The following DPYD variants were observed in gnomAD, a reference collection of about 807,000 sequenced individuals.
DPYD encodes dihydropyrimidine dehydrogenase.
A neutral mutation model predicts 116.2 loss-of-function variants in DPYD; 109 were observed. That is an observed-to-expected ratio of 0.94 (90% CI 0.80 to 1.10). The LOEUF is 1.10. Among genes scored for constraint, DPYD ranks in the 50% least tolerant of loss-of-function variants. The pLI, the probability that DPYD is intolerant of heterozygous loss-of-function variation, is 0.00. For missense variants in DPYD, 1,302 were observed against 1,254.5 expected, an observed-to-expected ratio of 1.04 and a Z score of -0.57; for synonymous variants, 440 against 432.0, an observed-to-expected ratio of 1.02 and a Z score of -0.23.
chr1:97,512,675 A>C (rs187224126), intron 13 of DPYD, among the ~76,000 whole-genome samples: 1 of 152,010 alleles, frequency 6.6e-6, no homozygotes, highest in Admixed American at 6.6e-5. Context: ...CATTTCTAAT[A>C]TTCCCTCTTA....
intron 20 of DPYD, among the ~76,000 whole-genome samples, chr1:97,149,835 T>C (rs1051372564): frequency 5.3e-5 from 8 of 152,210 alleles, no homozygotes; most frequent in African/African-American, 1.7e-4. Flanking sequence ...TGTAACTTCA[T>C]TGCATCACAT....
intron 13 of DPYD, among the ~76,000 whole-genome samples, chr1:97,503,701 ATGTTTAATCACATCTTG>A (rs937178363): frequency 3.3e-5 from 5 of 151,948 alleles, no homozygotes; most frequent in African/African-American, 4.8e-5. Context: ...AAATCCATGC[ATGTTTAATCACATCTTG>A]GCAACGGTTT....
chr1:97,757,249 A>T (rs188820269), intron 3 of DPYD, among the ~76,000 whole-genome samples: 1 of 152,334 alleles, frequency 6.6e-6, no homozygotes, highest in East Asian at 1.9e-4. Context: ...AGCTTAAATC[A>T]TGATAGCACA....
chr1:97,085,674 G>A (rs1274027388), intron 21 of DPYD, among the ~76,000 whole-genome samples: 1 of 152,144 alleles, frequency 6.6e-6, no homozygotes, highest in Non-Finnish European at 1.5e-5. Flanking sequence ...GAATACCCTT[G>A]AGTAGATGTC....
chr1:97,622,729 A>G (rs1656703265), intron 8 of DPYD, among the ~76,000 whole-genome samples: 1 of 152,072 alleles, frequency 6.6e-6, no homozygotes, highest in South Asian at 2.1e-4. Context: ...AAACTGTTCT[A>G]AAATAAAAAA....
At position 97,816,063 on chromosome 1, in the gene DPYD, A is replaced by AT. The variant is rs113525655; in HGVS notation, c.233+12050dup. On this transcript the variant is annotated intron_variant, in intron 3 of 22. Transcript: ENST00000370192. ...AGAACATTTACATTTTTAATTTTTA[A>AT]TTTTTTTTTTTTTAGGAGATGGATT... Among the ~76,000 whole-genome samples, 318 of 146,208 alleles carry AT rather than the reference A, an allele frequency of 2.2e-3. 1 individual carries two copies. The highest frequency in any genetic ancestry group is 3.1e-3 in the Non-Finnish European group (203 of 66,008).
At chr1:97,758,023 T>A (rs981906526) in intron 3 of DPYD, among the ~76,000 whole-genome samples, 2 of 152,112 alleles carry the variant, frequency 1.3e-5, no homozygotes, top group Non-Finnish European at 1.5e-5. Flanking sequence ...ATTATCTCAT[T>A]CATAGACATC....
intron 18 of DPYD, among the ~76,000 whole-genome samples, chr1:97,299,169 T>C (rs1310869311): frequency 6.6e-6 from 1 of 152,152 alleles, no homozygotes; most frequent in Non-Finnish European, 1.5e-5. Context: ...TAGATATGCA[T>C]GAATCTGTGA....
At chr1:97,604,049 C>A (rs1392034482) in intron 8 of DPYD, among the ~76,000 whole-genome samples, 1 of 152,100 alleles carries the variant, frequency 6.6e-6, no homozygotes, top group Non-Finnish European at 1.5e-5. Context: ...ACTGAGGAAG[C>A]AAGTGGCAGG....
chr1:97,468,710 C>T (rs911634849), intron 13 of DPYD, among the ~76,000 whole-genome samples: 2 of 152,110 alleles, frequency 1.3e-5, no homozygotes, highest in African/African-American at 2.4e-5. Context: ...ATTTGACCCA[C>T]GGGGCTATCA....
intron 12 of DPYD, chr1:97,546,867 G>A: frequency 6.2e-7 from 1 of 1,610,032 alleles, no homozygotes; most frequent in Non-Finnish European, 8.5e-7. Context: ...ACCCACAGTG[G>A]GATACAGCAA....
intron 19 of DPYD, among the ~76,000 whole-genome samples, chr1:97,207,873 CCTCT>C (rs765147201): frequency 1.2e-4 from 19 of 152,122 alleles, no homozygotes; most frequent in Admixed American, 3.3e-4. Flanking sequence ...TAAAGAATTC[CCTCT>C]CTATCTTTAA....
intron 3 of DPYD, among the ~76,000 whole-genome samples, chr1:97,807,411 C>T (rs2101366829): frequency 6.6e-6 from 1 of 152,142 alleles, no homozygotes; most frequent in East Asian, 1.9e-4. Flanking sequence ...GACATATTTT[C>T]ACATGGTTAT....
intron 18 of DPYD, among the ~76,000 whole-genome samples, chr1:97,242,718 A>G (rs12403951): frequency 0.27 from 41,689 of 151,614 alleles, 5,862 homozygotes; most frequent in Admixed American, 0.31. Flanking sequence ...ATATGATGTG[A>G]CATTTTTATA....
chr1:97,237,769 C>T (rs533365), intron 18 of DPYD, among the ~76,000 whole-genome samples: 112,361 of 152,090 alleles, frequency 0.74, 42,837 homozygotes, highest in East Asian at 0.99. Flanking sequence ...ACTGGCATAG[C>T]CAATACATAC....
intron 19 of DPYD, among the ~76,000 whole-genome samples, chr1:97,204,021 G>A (rs1659431718): frequency 6.6e-6 from 1 of 151,786 alleles, no homozygotes; most frequent in East Asian, 1.9e-4. Flanking sequence ...ATATATTCTG[G>A]GACACAAAAG....
intron 2 of DPYD, among the ~76,000 whole-genome samples, chr1:97,844,409 A>T (rs1220152782): frequency 6.6e-6 from 1 of 152,116 alleles, no homozygotes; most frequent in African/African-American, 2.4e-5. Flanking sequence ...TGGAACTTTT[A>T]GCCCCATCCC....
intron 5 of DPYD, among the ~76,000 whole-genome samples, chr1:97,705,078 G>A (rs1201507286): frequency 1.3e-5 from 2 of 151,548 alleles, no homozygotes; most frequent in African/African-American, 4.8e-5. Flanking sequence ...CTGTGGTCAG[G>A]TTCACATACA....
At chr1:97,694,558 C>T (rs1557888015) in intron 6 of DPYD, among the ~76,000 whole-genome samples, 1 of 152,078 alleles carries the variant, frequency 6.6e-6, no homozygotes, top group Non-Finnish European at 1.5e-5. Context: ...ATGGGTAACT[C>T]ATATTTATCA....
Sources: allele counts gnomAD v4.1 joint callset (sites outside exome capture counted in the v4.1 genomes callset), GRCh38; gene constraint gnomAD v4.1.1; transcripts MANE v1.5; gene names NCBI Gene and HGNC (gene_info 2026-07-23, HGNC 2026-07-21).